The following PHACTR4 variants were observed in gnomAD, a reference collection of about 807,000 sequenced individuals.
PHACTR4 encodes the protein phosphatase and actin regulator 4, also known as protein phosphatase 1, regulatory subunit 124.
A neutral mutation model predicts 72.7 loss-of-function variants in PHACTR4; 51 were observed. That is an observed-to-expected ratio of 0.70 (90% CI 0.56 to 0.89). The LOEUF (loss-of-function observed/expected upper bound fraction) is 0.89. PHACTR4 is among the 40% of genes least tolerant of loss of function. The pLI is 0.00. For missense variants in PHACTR4, 731 were observed against 861.8 expected, an observed-to-expected ratio of 0.85 and a Z score of 1.90; for synonymous variants, 255 against 302.5, an observed-to-expected ratio of 0.84 and a Z score of 1.63.
chr1:28,498,691 C>G lies in PHACTR4; in HGVS notation c.*2142C>G, dbSNP rs1570137389. On this transcript the variant is annotated 3_prime_UTR_variant, in exon 14 of 14. Coordinates refer to ENST00000373839, the MANE Select transcript of PHACTR4 (RefSeq NM_001048183.3). Reference sequence around the variant, plus strand: ...ATTTCTTCTGATTTATTCTGTGGGTCCCTGTTATCTGTTCTTTATGTAATC... The same window carrying G: ...ATTTCTTCTGATTTATTCTGTGGGTGCCTGTTATCTGTTCTTTATGTAATC... 6.6e-6 allele frequency: 1 copy of G among 152,048 alleles called. No individual in the cohort carries two copies. The highest frequency in any genetic ancestry group is 1.9e-4 in the East Asian group (1 of 5,192). 9.4% of individuals were successfully genotyped at this position (152,048 alleles called of 1,614,324 possible). A position where few individuals can be genotyped will look rare whatever the true frequency, so the allele number is the denominator to read the frequency against.
chr1:28,444,197 TA>T (rs1210463866), intron 2 of PHACTR4, among the ~76,000 whole-genome samples: 1 of 144,560 alleles, frequency 6.9e-6, no homozygotes. Flanking sequence ...GTTGAGCATT[TA>T]AAAAAATATA....
At chr1:28,456,449 C>T (rs1658392600) in intron 2 of PHACTR4, among the ~76,000 whole-genome samples, 1 of 152,166 alleles carries the variant, frequency 6.6e-6, no homozygotes, top group African/African-American at 2.4e-5. Flanking sequence ...GATTACAATT[C>T]AACCTGAGAT....
At chr1:28,411,982 A>G (rs1014983779) in intron 2 of PHACTR4, among the ~76,000 whole-genome samples, 3 of 152,216 alleles carry the variant, frequency 2.0e-5, no homozygotes, top group Admixed American at 1.3e-4. Context: ...TTTTACGAAT[A>G]AAGTACCAGA....
chr1:28,470,748 G>A (rs148514194), intron 6 of PHACTR4, among the ~76,000 whole-genome samples: 7 of 152,068 alleles, frequency 4.6e-5, no homozygotes, highest in African/African-American at 1.7e-4. Flanking sequence ...AAGAGGCTGG[G>A]TGTGGTGGCT....
At chr1:28,431,264 G>C (rs1656247216) in intron 2 of PHACTR4, among the ~76,000 whole-genome samples, 1 of 149,262 alleles carries the variant, frequency 6.7e-6, no homozygotes, top group African/African-American at 2.4e-5. Flanking sequence ...CAGCACTTTG[G>C]GAGGCCGAGG....
chr1:28,474,465 G>A (rs1659788443), intron 7 of PHACTR4, among the ~76,000 whole-genome samples: 1 of 141,808 alleles, frequency 7.1e-6, no homozygotes, highest in Non-Finnish European at 1.5e-5. Flanking sequence ...GGAGGTTGCA[G>A]TGAGCCAAGA....
chr1:28,385,803 CAG>C (rs1363333750), intron 1 of PHACTR4, among the ~76,000 whole-genome samples: 1 of 151,240 alleles, frequency 6.6e-6, no homozygotes, highest in East Asian at 2.0e-4. Flanking sequence ...TTAGTAGAGA[CAG>C]GGTTTCAGCA....
At position 28,473,275 on chromosome 1, in the gene PHACTR4, C is replaced by CAA. The variant is rs759485996; in HGVS notation, c.824-258_824-257dup. ...TGGGCGAGAGAGTGAGACCCTGTCT[C>CAA]AAAAAAAAAAAAAAAAAAAAAATTG... On this transcript the variant is annotated intron_variant, in intron 6 of 13. Coordinates refer to ENST00000373839, the MANE Select transcript of PHACTR4 (RefSeq NM_001048183.3). Among the ~76,000 whole-genome samples the CAA allele has an allele frequency of 1.0e-3, 86 of 82,198 alleles. 1 individual carries two copies. In the East Asian group the frequency reaches 0.023, roughly 22 times the overall value. The allele number at this position is 82,198 out of a possible 152,430, so 53.9% of individuals were successfully genotyped here.
intron 2 of PHACTR4, among the ~76,000 whole-genome samples, chr1:28,447,330 C>G (rs922259792): frequency 5.3e-5 from 8 of 151,814 alleles, no homozygotes; most frequent in African/African-American, 1.5e-4. Context: ...TTCTTTATAG[C>G]AATGCAAGAA....
At position 28,459,110 on chromosome 1, in the gene PHACTR4, G is replaced by A. The variant is rs1407964167; in HGVS notation, c.42G>A (p.Glu14=). The A allele has an allele frequency of 1.9e-6, 3 of 1,612,974 alleles. No individual in the cohort carries two copies. The highest frequency in any genetic ancestry group is 2.5e-6 in the Non-Finnish European group (3 of 1,179,514). The stretch of plus-strand genomic sequence containing the variant: ...AGGAAGCAGACCAGCCCACTACAGA[G>A]CCAGGCATGGTCCTGGACAGTGTGG... ...PFEEADQPTT[E]PGMVLDSVEA... is the part of the protein sequence containing the mutation. The change falls in exon 3 of 14, where the codon GAG becomes GAA. Residue 14 remains glutamate, a synonymous_variant. Coordinates refer to ENST00000373839, the MANE Select transcript of PHACTR4 (RefSeq NM_001048183.3).
chr1:28,496,166 C>T lies in PHACTR4; in HGVS notation c.2094-368C>T, dbSNP rs1396202362. Among the ~76,000 whole-genome samples the T allele has an allele frequency of 2.0e-5, 3 of 150,358 alleles. No homozygotes were observed. The East Asian group carries it at 6.0e-4, about 30-fold the overall frequency. On this transcript the variant is annotated intron_variant, in intron 13 of 13. Coordinates refer to ENST00000373839, the MANE Select transcript of PHACTR4 (RefSeq NM_001048183.3). Reference sequence around the variant, plus strand: ...CCACCTCCCAGGTTCACGCCATTCTCCTGCCTCAGCCTCGCGAGTAGCTGG... The same window carrying T: ...CCACCTCCCAGGTTCACGCCATTCTTCTGCCTCAGCCTCGCGAGTAGCTGG...
chr1:28,426,114 G>T (rs868633351), intron 2 of PHACTR4, among the ~76,000 whole-genome samples: 2 of 151,832 alleles, frequency 1.3e-5, no homozygotes, highest in African/African-American at 4.8e-5. Flanking sequence ...TCAGCTACTC[G>T]GGAGGCTGAG....
chr1:28,435,951 T>G (rs1437311614), intron 2 of PHACTR4, among the ~76,000 whole-genome samples: 1 of 152,220 alleles, frequency 6.6e-6, no homozygotes, highest in African/African-American at 2.4e-5. Context: ...TTACTTTCTT[T>G]CCTGTTTTAA....
chr1:28,383,631 G>A (rs1652354777), intron 1 of PHACTR4, among the ~76,000 whole-genome samples: 1 of 152,116 alleles, frequency 6.6e-6, no homozygotes, highest in South Asian at 2.1e-4. Flanking sequence ...AAGGGATTGT[G>A]TTCCTGATTT....
In PHACTR4 at chr1:28,378,314, T is replaced by C. The variant is rs535040770; in HGVS notation, c.-39+8489T>C. On this transcript the variant is annotated intron_variant, in intron 1 of 13. Coordinates refer to ENST00000373839, the MANE Select transcript of PHACTR4 (RefSeq NM_001048183.3). ...GTCAGGAGTTCGAGACCAGCCTGGC[T>C]AACATGGTGAAACCCCGTCTCTACT... Among the ~76,000 whole-genome samples, 465 of 145,812 alleles carry C rather than the reference T, an allele frequency of 3.2e-3. 2 individuals carry two copies. The highest frequency in any genetic ancestry group is 0.011 in the African/African-American group (416 of 38,756).
intron 1 of PHACTR4, among the ~76,000 whole-genome samples, chr1:28,397,527 G>A (rs968746422): frequency 5.9e-5 from 9 of 152,028 alleles, no homozygotes; most frequent in East Asian, 1.9e-4. Flanking sequence ...CGGGTCTAGC[G>A]TTACAGCAAT....
At chr1:28,390,858 GT>G (rs1652957051) in intron 1 of PHACTR4, among the ~76,000 whole-genome samples, 1 of 152,012 alleles carries the variant, frequency 6.6e-6, no homozygotes, top group Non-Finnish European at 1.5e-5. Flanking sequence ...ATTTTGCTAG[GT>G]GGAGGCAGGC....
intron 1 of PHACTR4, among the ~76,000 whole-genome samples, chr1:28,401,470 CTAATTTTTA>C (rs1653943261): frequency 6.6e-6 from 1 of 151,754 alleles, no homozygotes; most frequent in Non-Finnish European, 1.5e-5. Flanking sequence ...CCATGCCCGG[CTAATTTTTA>C]TATTTTTAGT....
intron 6 of PHACTR4, among the ~76,000 whole-genome samples, chr1:28,467,409 G>C (rs1055589663): frequency 8.7e-5 from 12 of 138,556 alleles, no homozygotes; most frequent in Non-Finnish European, 1.6e-5. Context: ...GTGTGTGTGT[G>C]TGTGTGTGTA....
Sources: allele counts gnomAD v4.1 joint callset (sites outside exome capture counted in the v4.1 genomes callset), GRCh38; gene constraint gnomAD v4.1.1; transcripts MANE v1.5; gene names NCBI Gene and HGNC (gene_info 2026-07-23, HGNC 2026-07-21).